CLVS1: variants seen among roughly 807,000 people sequenced by gnomAD.
The protein encoded by CLVS1 is clavesin-1.
In CLVS1, 10 loss-of-function variants were observed where a neutral mutation model predicts 33.1. The ratio of observed to expected loss-of-function variants is 0.30; its 90% CI spans 0.19 to 0.51. The LOEUF is 0.51. CLVS1 is among the 20% of genes least tolerant of loss of function. CLVS1 has a pLI of 0.97. For missense variants in CLVS1, 343 were observed against 433.4 expected (o/e 0.79, Z 1.85); for synonymous variants, 163 against 166.1 (o/e 0.98, Z 0.14).
chr8:61,483,868 T>A, intron 5 of CLVS1, among the ~76,000 whole-genome samples: 1 of 152,204 alleles, frequency 6.6e-6, no homozygotes, highest in Non-Finnish European at 1.5e-5. Context: ...TCTCAATAGA[T>A]GCAGAAAAGG....
intron 1 of CLVS1, among the ~76,000 whole-genome samples, chr8:61,065,142 C>T (rs1235353841): frequency 6.6e-6 from 1 of 152,240 alleles, no homozygotes. Context: ...TCCACAGATG[C>T]TCAAGTCCCT....
intron 3 of CLVS1, among the ~76,000 whole-genome samples, chr8:61,422,053 G>A (rs937089025): frequency 6.0e-5 from 9 of 151,258 alleles, no homozygotes; most frequent in African/African-American, 2.2e-4. Flanking sequence ...TGAACTGGAT[G>A]ATTCTACCTC....
In CLVS1 at chr8:61,073,203, GA is replaced by G. The variant is rs200511493; in HGVS notation, c.-243+15982del. On this transcript the variant is annotated intron_variant, in intron 1 of 2. Transcript: ENST00000522621. ...TATCTTCTGCTTCTAAATCTCTTCA[GA>G]AAAAAAAATTACAATCTACTTGGAT... is the stretch of plus-strand genomic sequence containing the variant. 2.6e-3 allele frequency among the ~76,000 whole-genome samples: 393 copies of G among 151,236 alleles called. 6 individuals are homozygous for G. In the East Asian group the frequency reaches 0.068, roughly 26 times the overall value.
intron 2 of CLVS1, among the ~76,000 whole-genome samples, chr8:61,279,521 A>G (rs1585744341): frequency 1.3e-5 from 2 of 152,308 alleles, no homozygotes; most frequent in African/African-American, 4.8e-5. Flanking sequence ...CTGCATTCAA[A>G]TTTTGCAGAA....
intron 3 of CLVS1, chr8:61,377,121 G>C: frequency 5.4e-6 from 1 of 186,180 alleles, no homozygotes; most frequent in Non-Finnish European, 1.1e-5. Flanking sequence ...TACAGGGGTG[G>C]CATGGGGCTT....
intron 4 of CLVS1, among the ~76,000 whole-genome samples, chr8:61,455,605 T>C (rs144403276): frequency 3.9e-5 from 6 of 152,332 alleles, no homozygotes; most frequent in African/African-American, 1.2e-4. Context: ...AATGGACACT[T>C]AGGTTGTATC....
the CLVS1 span, among the ~76,000 whole-genome samples, chr8:61,004,466 C>T: frequency 6.6e-6 from 1 of 152,226 alleles, no homozygotes; most frequent in Non-Finnish European, 1.5e-5. Context: ...ATGTGAGAGG[C>T]CAGCCCTGAC....
intron 2 of CLVS1, among the ~76,000 whole-genome samples, chr8:61,211,180 G>A (rs539114600): frequency 2.0e-4 from 30 of 152,084 alleles, no homozygotes; most frequent in Non-Finnish European, 4.3e-4. Context: ...GAGAAATGTG[G>A]GGGTCATATA....
chr8:61,160,169 TTATAAGATTTAGCTGAATTC>T (rs1345239035), intron 2 of CLVS1, among the ~76,000 whole-genome samples: 4 of 152,216 alleles, frequency 2.6e-5, no homozygotes, highest in African/African-American at 9.6e-5. Flanking sequence ...TTTGTACAAC[TTATAAGATTTAGCTGAATTC>T]TAACCTTAAA....
intron 3 of CLVS1, among the ~76,000 whole-genome samples, chr8:61,396,919 T>A (rs1471572956): frequency 1.3e-5 from 2 of 152,160 alleles, no homozygotes; most frequent in African/African-American, 2.4e-5. Context: ...ATACCAAACT[T>A]TTTTATTCAT....
At chr8:61,381,854 G>A (rs568190261) in intron 3 of CLVS1, among the ~76,000 whole-genome samples, 1 of 152,246 alleles carries the variant, frequency 6.6e-6, no homozygotes, top group East Asian at 1.9e-4. Flanking sequence ...TGAGCATCTA[G>A]GTTGATTCCA....
chr8:61,098,886 C>CA (rs998518610), intron 1 of CLVS1, among the ~76,000 whole-genome samples: 5 of 151,598 alleles, frequency 3.3e-5, no homozygotes, highest in Admixed American at 1.3e-4. Context: ...AAAAATGAAG[C>CA]AAAAAAAAGT....
At chr8:61,106,481 C>T (rs1301611113) in intron 1 of CLVS1, among the ~76,000 whole-genome samples, 1 of 152,190 alleles carries the variant, frequency 6.6e-6, no homozygotes, top group East Asian at 1.9e-4. Flanking sequence ...CTTTCATACA[C>T]AAGCTGGACG....
chr8:61,198,565 A>T (rs761165754), intron 2 of CLVS1, among the ~76,000 whole-genome samples: 17 of 152,108 alleles, frequency 1.1e-4, no homozygotes, highest in Non-Finnish European at 2.4e-4. Flanking sequence ...TTTTTAGTAG[A>T]GATGGTGTTT....
At chr8:61,228,565 T>C (rs1260492496) in intron 2 of CLVS1, among the ~76,000 whole-genome samples, 3 of 152,256 alleles carry the variant, frequency 2.0e-5, no homozygotes, top group Non-Finnish European at 4.4e-5. Flanking sequence ...TATTTTATCA[T>C]AAAGTGTAGA....
At chr8:61,469,294 C>T (rs549971088) in intron 5 of CLVS1, among the ~76,000 whole-genome samples, 4 of 152,188 alleles carry the variant, frequency 2.6e-5, no homozygotes, top group Non-Finnish European at 5.9e-5. Flanking sequence ...ATTGGCATGA[C>T]ATATGCCATA....
intron 3 of CLVS1, among the ~76,000 whole-genome samples, chr8:61,392,244 A>G (rs1814331542): frequency 6.6e-6 from 1 of 151,870 alleles, no homozygotes; most frequent in Admixed American, 6.6e-5. Flanking sequence ...AAGCAGGAGG[A>G]TCTCTTGAGA....
intron 1 of CLVS1, among the ~76,000 whole-genome samples, chr8:61,100,783 C>G (rs1805434391): frequency 6.6e-6 from 1 of 152,164 alleles, no homozygotes; most frequent in Admixed American, 6.5e-5. Flanking sequence ...ATTCTATTTT[C>G]TATCTCTGTG....
rs1208717891 is a variant in CLVS1 at position 61,500,542 on chromosome 8, C to G, written c.*1000C>G. On this transcript the variant is annotated 3_prime_UTR_variant, in exon 6 of 6. Coordinates refer to ENST00000325897, the MANE Select transcript of CLVS1 (RefSeq NM_173519.3). ...ATGCAAGTACTGAAGTAAGAGAAGA[C>G]TAGAAATGCAGGATGAAATGTCAAA... 1 of 152,160 alleles carries G rather than the reference C, an allele frequency of 6.6e-6. No homozygotes were observed. Among genetic ancestry groups the G allele is most frequent in the East Asian group, 1.9e-4 (1 of 5,202 alleles). The allele number at this position is 152,160 out of a possible 1,614,324, so 9.4% of individuals were successfully genotyped here.
Sources: gnomAD v4.1 joint callset for allele counts (sites outside exome capture counted in the v4.1 genomes callset) on GRCh38, gnomAD v4.1.1 for gene constraint, MANE v1.5 for transcripts, NCBI Gene and HGNC (gene_info 2026-07-23, HGNC 2026-07-21) for gene names.